The following ITFG2 variants were observed in gnomAD, a reference collection of about 807,000 sequenced individuals.
The protein encoded by ITFG2 is integrin alpha FG-GAP repeat containing 2, also known as KICSTOR complex protein ITFG2.
In ITFG2, 36 loss-of-function variants were observed where a neutral mutation model predicts 54.4. That is an observed-to-expected ratio of 0.66 (90% CI 0.51 to 0.87). The LOEUF is 0.87. Ranked by LOEUF, ITFG2 falls within the 40% of genes least tolerant of loss-of-function variation. The pLI is 0.00. For missense variants in ITFG2, 524 were observed against 576.7 expected, an observed-to-expected ratio of 0.91 and a Z score of 0.94; for synonymous variants, 211 against 225.4, an observed-to-expected ratio of 0.94 and a Z score of 0.57.
chr12:2,817,402 C>A, intron 2 of ITFG2, 84 bp downstream of exon 2: 1 of 914,364 alleles, frequency 1.1e-6, no homozygotes, highest in Non-Finnish European at 1.7e-6. Context: ...CACACAGGTG[C>A]TCACCCATGT....
rs528039282 is a variant in ITFG2, at chr12:2,853,675, C to G, written n.301-4337C>G. On this transcript the variant is annotated intron_variant and non_coding_transcript_variant, in intron 2 of 3. Coordinates refer to the ITFG2 transcript ENST00000537710. ...AACTCCCCAGTGCTTTGGTCCTGCC[C>G]TTGGGATTGGAATTTGAGACATTCC... 2.9e-4 allele frequency among the ~76,000 whole-genome samples: 44 copies of G among 152,194 alleles called. No individual in the cohort carries two copies. The East Asian group carries it at 7.9e-3, about 27-fold the overall frequency.
chr12:2,829,181 G>T (rs1728689444), downstream of ITFG2, among the ~76,000 whole-genome samples: 7 of 152,190 alleles, frequency 4.6e-5, no homozygotes, highest in Non-Finnish European at 1.0e-4. Flanking sequence ...GAAAACTCCA[G>T]GTTAGGAATA....
intron 5 of ITFG2, 92 bp downstream of exon 5, chr12:2,820,317 C>A: frequency 7.1e-7 from 1 of 1,415,898 alleles, no homozygotes; most frequent in Non-Finnish European, 9.4e-7. Context: ...GGGACAGGGC[C>A]AGGGTGGGGA....
intron 5 of ITFG2, 85 bp from the exon 6 acceptor site, chr12:2,820,639 C>A: frequency 3.1e-6 from 1 of 319,342 alleles, no homozygotes; most frequent in East Asian, 6.6e-5. Flanking sequence ...CCCCCGCCCC[C>A]GCCCACCCAC....
upstream of ITFG2, chr12:2,834,659 C>T (rs754860201): frequency 1.4e-5 from 23 of 1,600,814 alleles, no homozygotes; most frequent in Non-Finnish European, 1.8e-5. Flanking sequence ...TTGGAGGTGC[C>T]GAGCCTCTTG....
chr12:2,827,347 G>A (rs929618172), downstream of ITFG2: 17 of 1,576,348 alleles, frequency 1.1e-5, no homozygotes, highest in Admixed American at 1.9e-5. The surrounding 1 kb of genome is among the most constrained non-coding windows in gnomAD (Gnocchi z 4.0). Flanking sequence ...CCCGCCACCT[G>A]CCTCCCGGCC....
chr12:2,837,321 C>CA (rs2098030642), intron 1 of ITFG2, among the ~76,000 whole-genome samples: 2 of 151,870 alleles, frequency 1.3e-5, no homozygotes, highest in South Asian at 4.2e-4. Flanking sequence ...ACTAAAAATA[C>CA]AAAAAAATTA....
chr12:2,818,357 A>G, intron 4 of ITFG2, 80 bp downstream of exon 4: 1 of 1,584,956 alleles, frequency 6.3e-7, no homozygotes, highest in Non-Finnish European at 8.5e-7. Context: ...GATTGGGGTG[A>G]GAGGGAGAAT....
chr12:2,831,882 C>CCACAG (rs2098005012), upstream of ITFG2, among the ~76,000 whole-genome samples: 2 of 152,162 alleles, frequency 1.3e-5, no homozygotes. Flanking sequence ...AAAGCATATG[C>CCACAG]CACAGTACCT....
intron 2 of ITFG2, among the ~76,000 whole-genome samples, chr12:2,848,742 T>C (rs1246234636): frequency 6.6e-6 from 1 of 152,156 alleles, no homozygotes; most frequent in African/African-American, 2.4e-5. Context: ...GCATTTTGGT[T>C]ATTTTTGCCT....
chr12:2,824,503 G>A lies in ITFG2; in HGVS notation c.*310G>A, dbSNP rs2097957644. 5 of 392,524 alleles carry A rather than the reference G, an allele frequency of 1.3e-5. No individual in the cohort carries two copies. The highest frequency in any genetic ancestry group is 6.2e-5 in the African/African-American group (3 of 48,470). 24.3% of individuals were successfully genotyped at this position (392,524 alleles called of 1,614,324 possible). The stretch of plus-strand genomic sequence containing the variant: ...ATGACCCACTCCCCACTGTCACTGT[G>A]TTGAAAACAGAGACTTGTTTGTGTG... On this transcript the variant is annotated 3_prime_UTR_variant, in exon 12 of 12. Transcript: ENST00000228799.
intron 2 of ITFG2, among the ~76,000 whole-genome samples, chr12:2,853,236 C>T (rs1449938476): frequency 6.6e-6 from 1 of 152,004 alleles, no homozygotes; most frequent in Non-Finnish European, 1.5e-5. Flanking sequence ...GCCTGGGTCC[C>T]CACAAAGGAG....
At position 2,824,516 on chromosome 12, in the gene ITFG2, A is replaced by T; in HGVS notation, c.*323A>T. 2.7e-6 allele frequency: 1 copy of T among 375,122 alleles called. No homozygotes were observed. Among genetic ancestry groups the T allele is most frequent in the Non-Finnish European group, 5.1e-6 (1 of 195,762 alleles). 23.2% of individuals were successfully genotyped at this position (375,122 alleles called of 1,614,324 possible). On this transcript the variant is annotated 3_prime_UTR_variant, in exon 12 of 12. Coordinates refer to ENST00000228799, the MANE Select transcript of ITFG2 (RefSeq NM_018463.4). ...CACTGTCACTGTGTTGAAAACAGAGACTTGTTTGTGTGGCCCCAACACCCA... is the reference window on the plus strand; with the variant it reads ...CACTGTCACTGTGTTGAAAACAGAGTCTTGTTTGTGTGGCCCCAACACCCA...
chr12:2,839,755 A>G (rs2098036575), intron 1 of ITFG2, among the ~76,000 whole-genome samples: 1 of 152,182 alleles, frequency 6.6e-6, no homozygotes, highest in Non-Finnish European at 1.5e-5. Flanking sequence ...AAAATACACC[A>G]TGGAATAGTA....
chr12:2,818,316 G>A, intron 4 of ITFG2, 39 bp downstream of exon 4: 1 of 1,605,102 alleles, frequency 6.2e-7, no homozygotes, highest in Non-Finnish European at 8.5e-7. Context: ...AGGAGAGTAG[G>A]AGTCAGTGGA....
intron 2 of ITFG2, chr12:2,848,996 C>G: frequency 1.9e-6 from 1 of 527,948 alleles, no homozygotes; most frequent in Non-Finnish European, 3.3e-6. Context: ...GGCCGCAGTC[C>G]TCCCACCTTC....
intron 2 of ITFG2, among the ~76,000 whole-genome samples, chr12:2,854,076 A>T (rs1346819500): frequency 6.6e-6 from 1 of 152,156 alleles, no homozygotes; most frequent in East Asian, 1.9e-4. Flanking sequence ...CCCCGGCTGG[A>T]GTGCAATGGC....
intron 2 of ITFG2, chr12:2,830,435 A>ATCTCGGTGGTGGCC: frequency 2.7e-6 from 1 of 366,350 alleles, no homozygotes; most frequent in South Asian, 5.6e-5. Context: ...GTCTGTGTAG[A>ATCTCGGTGGTGGCC]GCACACTGAG....
intron 2 of ITFG2, chr12:2,857,381 C>A (rs1037545305): frequency 2.1e-5 from 7 of 333,974 alleles, no homozygotes; most frequent in Non-Finnish European, 4.0e-5. Context: ...GGCCCTACCC[C>A]TCGTGAGCTT....
Sources: gnomAD v4.1 joint callset for allele counts (sites outside exome capture counted in the v4.1 genomes callset) on GRCh38, gnomAD v4.1.1 for gene constraint, Gnocchi (gnomAD v3.1) non-coding constraint, MANE v1.5 for transcripts, NCBI Gene and HGNC (gene_info 2026-07-23, HGNC 2026-07-21) for gene names.